Variants in CTIF observed in about 807,000 individuals in gnomAD.
CTIF encodes the protein cap binding complex dependent translation initiation factor.
Under a neutral mutation model 66.0 loss-of-function variants are expected in CTIF, and 21 were observed. That is an observed-to-expected ratio of 0.32 (90% CI 0.23 to 0.46). The LOEUF is 0.46. Ranked by LOEUF, CTIF falls within the 20% of genes least tolerant of loss-of-function variation. CTIF has a pLI of 1.00. For synonymous variants in CTIF, 345 were observed against 326.4 expected, an observed-to-expected ratio of 1.06 and a Z score of -0.62; for missense variants, 739 against 812.7, an observed-to-expected ratio of 0.91 and a Z score of 1.10.
At chr18:48,832,115 G>A (rs1409336161) in intron 10 of CTIF, among the ~76,000 whole-genome samples, 1 of 151,748 alleles carries the variant, frequency 6.6e-6, no homozygotes, top group African/African-American at 2.4e-5. Flanking sequence ...CAGCCAGTGT[G>A]CGTGTGGGGG....
At position 48,745,570 on chromosome 18, in the gene CTIF, A is replaced by C. The variant is rs114128905; in HGVS notation, c.585-12349A>C. On this transcript the variant is annotated intron_variant, in intron 7 of 11. Coordinates refer to ENST00000256413, the MANE Select transcript of CTIF (RefSeq NM_014772.3). ...TTCCATCATTCCTTCTAAATGTACT[A>C]GTTGTCTTTTATCATAAGGGAAAGC... 9.6e-3 allele frequency among the ~76,000 whole-genome samples: 1,469 copies of C among 152,286 alleles called. 32 individuals are homozygous for C. The highest frequency in any genetic ancestry group is 0.034 in the African/African-American group (1,414 of 41,542).
At chr18:48,591,686 A>G (rs2089889971) in intron 1 of CTIF, among the ~76,000 whole-genome samples, 1 of 152,218 alleles carries the variant, frequency 6.6e-6, no homozygotes. Flanking sequence ...TTGGAAATTG[A>G]TAGTTAGAGT....
chr18:48,607,768 C>T (rs980669027), intron 1 of CTIF, among the ~76,000 whole-genome samples: 1 of 152,166 alleles, frequency 6.6e-6, no homozygotes, highest in South Asian at 2.1e-4. Flanking sequence ...GCAGGAGCAC[C>T]CTGTCCCTAG....
chr18:48,696,760 A>G (rs1218297818), intron 6 of CTIF, among the ~76,000 whole-genome samples: 1 of 152,190 alleles, frequency 6.6e-6, no homozygotes, highest in African/African-American at 2.4e-5. Flanking sequence ...GAGAGGATAA[A>G]TGAGCAGCAT....
intron 6 of CTIF, among the ~76,000 whole-genome samples, chr18:48,674,125 A>T (rs1216803605): frequency 1.3e-5 from 2 of 152,238 alleles, no homozygotes; most frequent in Non-Finnish European, 2.9e-5. Flanking sequence ...TTCATGGACA[A>T]GTGCTCTGCC....
intron 1 of CTIF, among the ~76,000 whole-genome samples, chr18:48,578,871 G>A (rs1460980522): frequency 1.3e-5 from 2 of 152,094 alleles, no homozygotes; most frequent in Non-Finnish European, 2.9e-5. Context: ...TTTACTTACT[G>A]TTTCATTGGT....
chr18:48,666,116 T>C (rs299745), intron 5 of CTIF, among the ~76,000 whole-genome samples: 138,193 of 152,186 alleles, frequency 0.91, 62,908 homozygotes, highest in East Asian at 1. Flanking sequence ...AGCACTTGTG[T>C]TTTTTTTTCT....
intron 9 of CTIF, among the ~76,000 whole-genome samples, chr18:48,790,903 C>T (rs2146131453): frequency 6.6e-6 from 1 of 152,328 alleles, no homozygotes; most frequent in African/African-American, 2.4e-5. Context: ...CCTTCTCCTT[C>T]TGCTGGGCCA....
At chr18:48,612,970 A>G (rs970942720) in intron 1 of CTIF, among the ~76,000 whole-genome samples, 2 of 152,074 alleles carry the variant, frequency 1.3e-5, no homozygotes, top group African/African-American at 2.4e-5. Context: ...GAGAGGAAAG[A>G]GCCTGAAGAA....
chr18:48,841,541 C>CT (rs1175440787), intron 10 of CTIF, among the ~76,000 whole-genome samples: 9 of 152,228 alleles, frequency 5.9e-5, no homozygotes, highest in Non-Finnish European at 8.8e-5. Context: ...CTGAGCTGGC[C>CT]TGTCCGCCCC....
At chr18:48,836,242 T>A (rs983086890) in intron 10 of CTIF, among the ~76,000 whole-genome samples, 2 of 152,138 alleles carry the variant, frequency 1.3e-5, no homozygotes, top group African/African-American at 4.8e-5. Context: ...GTGCTTCTCC[T>A]GGAGCTGACG....
chr18:48,798,865 C>A (rs1487627621), intron 9 of CTIF, among the ~76,000 whole-genome samples: 1 of 152,190 alleles, frequency 6.6e-6, no homozygotes, highest in African/African-American at 2.4e-5. Context: ...ATAGGGGCTT[C>A]TAGTGGCATT....
intron 7 of CTIF, among the ~76,000 whole-genome samples, chr18:48,741,069 C>T (rs2092548716): frequency 6.6e-6 from 1 of 152,196 alleles, no homozygotes; most frequent in Admixed American, 6.5e-5. Context: ...TGAATAAGCA[C>T]ATTTGTGTTC....
intron 9 of CTIF, among the ~76,000 whole-genome samples, chr18:48,795,992 G>A (rs1568225785): frequency 6.6e-6 from 1 of 152,078 alleles, no homozygotes; most frequent in South Asian, 2.1e-4. Flanking sequence ...ATGCCCAGGT[G>A]TTGGTTGGTT....
intron 1 of CTIF, among the ~76,000 whole-genome samples, chr18:48,580,246 G>A (rs2089625001): frequency 6.6e-6 from 1 of 152,216 alleles, no homozygotes; most frequent in Non-Finnish European, 1.5e-5. Flanking sequence ...CTTGGTGCGG[G>A]TCACTGGCAC....
At chr18:48,710,780 T>C (rs1011364099) in intron 6 of CTIF, among the ~76,000 whole-genome samples, 2 of 152,160 alleles carry the variant, frequency 1.3e-5, no homozygotes, top group Non-Finnish European at 2.9e-5. Flanking sequence ...AAAAGGAGCC[T>C]GGGCAACAAA....
chr18:48,673,418 C>T (rs2091569470), intron 6 of CTIF, among the ~76,000 whole-genome samples: 1 of 142,236 alleles, frequency 7.0e-6, no homozygotes, highest in Non-Finnish European at 1.6e-5. Flanking sequence ...GGTGTGATTT[C>T]TGAGACACAT....
chr18:48,741,286 CCT>C (rs1330887829), intron 7 of CTIF, among the ~76,000 whole-genome samples: 2,220 of 141,824 alleles, frequency 0.016, 79 homozygotes, highest in East Asian at 0.048. Flanking sequence ...CCCCGCCCCC[CCT>C]CCTTGGTACA....
At chr18:48,681,047 C>G (rs1310611809) in intron 6 of CTIF, among the ~76,000 whole-genome samples, 4 of 152,228 alleles carry the variant, frequency 2.6e-5, no homozygotes, top group Non-Finnish European at 5.9e-5. Flanking sequence ...AGGCGGCCCC[C>G]CCAGGACACA....
Sources: gnomAD v4.1 joint callset for allele counts (sites outside exome capture counted in the v4.1 genomes callset) on GRCh38, gnomAD v4.1.1 for gene constraint, MANE v1.5 for transcripts, NCBI Gene and HGNC (gene_info 2026-07-23, HGNC 2026-07-21) for gene names.